ZDHHC14: variants seen among roughly 807,000 people sequenced by gnomAD.
ZDHHC14 encodes the protein palmitoyltransferase ZDHHC14.
Under a neutral mutation model 47.7 loss-of-function variants are expected in ZDHHC14, and 16 were observed. The observed-to-expected ratio is 0.34, with a 90% CI of 0.23 to 0.51. The LOEUF is 0.51. Ranked by LOEUF, ZDHHC14 falls within the 20% of genes least tolerant of loss-of-function variation. The pLI is 0.97. For synonymous variants in ZDHHC14, 293 were observed against 278.9 expected (o/e 1.05, Z -0.50); for missense variants, 515 against 662.5 (o/e 0.78, Z 2.44).
intron 5 of ZDHHC14, among the ~76,000 whole-genome samples, chr6:157,639,870 A>T (rs1214819070): frequency 6.6e-6 from 1 of 152,224 alleles, no homozygotes; most frequent in Non-Finnish European, 1.5e-5. Flanking sequence ...TTACAAAAAG[A>T]ATCTAAAAGA....
At chr6:157,477,282 A>C (rs1779512353) in intron 1 of ZDHHC14, among the ~76,000 whole-genome samples, 2 of 152,222 alleles carry the variant, frequency 1.3e-5, no homozygotes, top group African/African-American at 4.8e-5. Context: ...CGAGAGGCAG[A>C]GGCAGGAGAA....
chr6:157,640,379 A>G (rs1332193904), intron 5 of ZDHHC14, among the ~76,000 whole-genome samples: 1 of 152,192 alleles, frequency 6.6e-6, no homozygotes, highest in Non-Finnish European at 1.5e-5. Flanking sequence ...TCTGAAAGGC[A>G]CAGTGGCCTA....
At chr6:157,524,495 T>C (rs1289539087) in intron 1 of ZDHHC14, among the ~76,000 whole-genome samples, 1 of 152,264 alleles carries the variant, frequency 6.6e-6, no homozygotes, top group African/African-American at 2.4e-5. Context: ...TTTAAGTCTC[T>C]CTGTGGCATG....
rs2115022387 is a variant in ZDHHC14 at position 157,676,498 on chromosome 6, G to C, written c.*3376G>C. On this transcript the variant is annotated 3_prime_UTR_variant, in exon 9 of 9. Transcript: ENST00000359775. ...CAAGTGAGGAGCAAACCCATTTTAT[G>C]AGCCATGTTCCTGCGGAGACCTGAT... The C allele has an allele frequency of 6.6e-6, 1 of 152,542 alleles. No individual in the cohort carries two copies. The highest frequency in any genetic ancestry group is 1.9e-4 in the East Asian group (1 of 5,186). 9.4% of individuals were successfully genotyped at this position (152,542 alleles called of 1,614,324 possible).
At chr6:157,556,576 C>T (rs1296215179) in intron 2 of ZDHHC14, among the ~76,000 whole-genome samples, 1 of 152,204 alleles carries the variant, frequency 6.6e-6, no homozygotes, top group Non-Finnish European at 1.5e-5. Context: ...GAACGGGTCT[C>T]GAATCCAGGC....
chr6:157,493,022 G>A (rs1011824295), intron 1 of ZDHHC14, among the ~76,000 whole-genome samples: 1 of 152,158 alleles, frequency 6.6e-6, no homozygotes, highest in East Asian at 1.9e-4. Flanking sequence ...GAGGGTTTGA[G>A]GCAGGGGAGT....
At chr6:157,462,220 C>T (rs953501760) in intron 1 of ZDHHC14, among the ~76,000 whole-genome samples, 26 of 152,226 alleles carry the variant, frequency 1.7e-4, no homozygotes, top group African/African-American at 5.8e-4. Context: ...CTGCCTCCTT[C>T]AGTTCAAAGT....
At chr6:157,385,112 A>G (rs972666531) in intron 1 of ZDHHC14, among the ~76,000 whole-genome samples, 12 of 151,452 alleles carry the variant, frequency 7.9e-5, no homozygotes, top group African/African-American at 2.9e-4. Context: ...TATTGGAGAC[A>G]GAGTCTCACT....
intron 2 of ZDHHC14, among the ~76,000 whole-genome samples, chr6:157,589,521 A>C (rs1031202512): frequency 6.6e-6 from 1 of 152,172 alleles, no homozygotes; most frequent in Non-Finnish European, 1.5e-5. Context: ...GGTTACCTCC[A>C]TGCTATTCTC....
intron 2 of ZDHHC14, among the ~76,000 whole-genome samples, chr6:157,552,339 G>T (rs1752931698): frequency 1.3e-5 from 2 of 152,064 alleles, no homozygotes; most frequent in African/African-American, 2.4e-5. Flanking sequence ...AGTCGGCAGG[G>T]CAGGGCAGGC....
intron 8 of ZDHHC14, among the ~76,000 whole-genome samples, chr6:157,661,315 C>G (rs1398879021): frequency 6.6e-6 from 1 of 152,176 alleles, no homozygotes; most frequent in East Asian, 1.9e-4. Flanking sequence ...TCTGTTTTGT[C>G]AGCTAGCCTG....
intron 1 of ZDHHC14, among the ~76,000 whole-genome samples, chr6:157,453,793 T>A (rs1159253223): frequency 2.0e-5 from 3 of 147,436 alleles, no homozygotes; most frequent in Admixed American, 6.6e-5. Flanking sequence ...GTGTTTTGTG[T>A]GTGTGTGTGT....
intron 1 of ZDHHC14, among the ~76,000 whole-genome samples, chr6:157,486,785 G>T (rs1779789206): frequency 2.0e-5 from 3 of 152,228 alleles, no homozygotes; most frequent in Non-Finnish European, 2.9e-5. Context: ...GGCAGGGCAG[G>T]CGTGGCAAGG....
At chr6:157,601,824 A>G (rs1784346826) in intron 3 of ZDHHC14, among the ~76,000 whole-genome samples, 1 of 152,108 alleles carries the variant, frequency 6.6e-6, no homozygotes, top group Non-Finnish European at 1.5e-5. Context: ...CCATTTTTGT[A>G]TTTTCCACAT....
intron 2 of ZDHHC14, among the ~76,000 whole-genome samples, chr6:157,570,816 C>CAT (rs560297391): frequency 1.1e-3 from 158 of 148,364 alleles, no homozygotes; most frequent in Admixed American, 2.1e-3. Context: ...CACACACACA[C>CAT]ATATATATAT....
intron 2 of ZDHHC14, among the ~76,000 whole-genome samples, chr6:157,566,553 A>G (rs567653202): frequency 3.9e-5 from 6 of 152,346 alleles, no homozygotes; most frequent in Non-Finnish European, 7.3e-5. Context: ...CAAAATCTCC[A>G]GACGGCCACT....
rs1209921578 is a variant in ZDHHC14, at chr6:157,653,380, G to A, written c.966-145G>A. The A allele has an allele frequency of 2.4e-4, 175 of 716,140 alleles. 1 individual carries two copies. Among genetic ancestry groups the A allele is most frequent in the East Asian group, 5.6e-5 (2 of 35,836 alleles). The allele number at this position is 716,140 out of a possible 1,614,324, so 44.4% of individuals were successfully genotyped here. A position where few individuals can be genotyped will look rare whatever the true frequency, so the allele number is the denominator to read the frequency against. On this transcript the variant is annotated intron_variant, in intron 7 of 8. Coordinates refer to ENST00000359775, the MANE Select transcript of ZDHHC14 (RefSeq NM_024630.3). ...CAGAATTTGGTCACTGATTATACAC[G>A]AAAGTGAGGAGAGGCATAGTCTAAG...
intron 1 of ZDHHC14, among the ~76,000 whole-genome samples, chr6:157,511,547 C>CTTTTTTTTTTTTTTTTTTTTTTTTTTT (rs34988240): frequency 1.1e-4 from 13 of 114,880 alleles, no homozygotes; most frequent in African/African-American, 2.2e-4. Flanking sequence ...AGCCCGGGTA[C>CTTTTTTTTTTTTTTTTTTTTTTTTTTT]TTTTTTTTTT....
At chr6:157,402,719 G>A (rs552771020) in intron 1 of ZDHHC14, among the ~76,000 whole-genome samples, 10 of 152,128 alleles carry the variant, frequency 6.6e-5, no homozygotes, top group African/African-American at 1.9e-4. Flanking sequence ...TCAGACTGGC[G>A]ATGTACCTCC....
Sources: allele counts gnomAD v4.1 joint callset (sites outside exome capture counted in the v4.1 genomes callset), GRCh38; gene constraint gnomAD v4.1.1; transcripts MANE v1.5; gene names NCBI Gene and HGNC (gene_info 2026-07-23, HGNC 2026-07-21).